The following TRMT1L variants were observed in gnomAD, a reference collection of about 807,000 sequenced individuals.
TRMT1L encodes the protein tRNA (guanine(27)-N(2))-dimethyltransferase.
A neutral mutation model predicts 81.6 loss-of-function variants in TRMT1L; 28 were observed. That is an observed-to-expected ratio of 0.34 (90% CI 0.25 to 0.47). TRMT1L has a LOEUF of 0.47. Ranked by LOEUF, TRMT1L falls within the 20% of genes least tolerant of loss-of-function variation. The pLI, the probability that TRMT1L is intolerant of heterozygous loss-of-function variation, is 1.00. For synonymous variants in TRMT1L, 301 were observed against 303.2 expected, an observed-to-expected ratio of 0.99 and a Z score of 0.07; for missense variants, 739 against 877.1, an observed-to-expected ratio of 0.84 and a Z score of 1.99.
intron 7 of TRMT1L, 92 bp from the exon 8 acceptor site, chr1:185,140,314 A>G (rs918164657): frequency 2.9e-6 from 3 of 1,044,450 alleles, no homozygotes; most frequent in Non-Finnish European, 4.0e-6. Context: ...ATAAATAACA[A>G]ATTATTTCAA....
chr1:185,121,732 C>T (rs1474048899), intron 13 of TRMT1L, among the ~76,000 whole-genome samples: 2 of 151,996 alleles, frequency 1.3e-5, no homozygotes, highest in Admixed American at 1.3e-4. Flanking sequence ...TGAGTATCAT[C>T]AGCAGTATAT....
At chr1:185,128,285 C>A (rs909554578) in intron 11 of TRMT1L, among the ~76,000 whole-genome samples, 2 of 152,142 alleles carry the variant, frequency 1.3e-5, no homozygotes, top group Non-Finnish European at 2.9e-5. Flanking sequence ...AAAACTAATT[C>A]TTCTAGGACC....
Position 185,145,459 on chromosome 1 carries a change from G to A in TRMT1L, c.635C>T (p.Thr212Ile), listed in dbSNP as rs1653163169. Reference sequence around the variant, plus strand: ...CTTACCTGCAATATAACTAGATTTAGTCTCTCCTTTATTCATGTGGCGCCT... The same window carrying A: ...CTTACCTGCAATATAACTAGATTTAATCTCTCCTTTATTCATGTGGCGCCT... ...HVRRHMNKGE[T>I]KSSYIAASTA... The change falls in exon 5 of 15, where the codon ACT becomes ATT. Residue 212 changes from threonine to isoleucine, a missense_variant. Thr to Ile is a moderately conservative substitution (Grantham distance 89). Transcript: ENST00000367506. 1.2e-6 allele frequency: 2 copies of A among 1,610,656 alleles called. No individual in the cohort carries two copies. The highest frequency in any genetic ancestry group is 1.7e-6 in the Non-Finnish European group (2 of 1,177,840).
intron 13 of TRMT1L, chr1:185,120,778 G>T: frequency 4.3e-6 from 1 of 232,324 alleles, no homozygotes; most frequent in Non-Finnish European, 8.2e-6. Context: ...TCAATCTGGG[G>T]CTAGTCACTT....
Position 185,118,431 on chromosome 1 carries a change from C to CTGA in TRMT1L, c.*1585_*1587dup, listed in dbSNP as rs1430318689. 2 of 151,996 alleles carry CTGA rather than the reference C, an allele frequency of 1.3e-5. No individual in the cohort carries two copies. The highest frequency in any genetic ancestry group is 1.9e-4 in the East Asian group (1 of 5,192). The allele number at this position is 151,996 out of a possible 1,614,324, so 9.4% of individuals were successfully genotyped here. A position where few individuals can be genotyped will look rare whatever the true frequency, so the allele number is the denominator to read the frequency against. On this transcript the variant is annotated 3_prime_UTR_variant, in exon 15 of 15. Transcript: ENST00000367506. The stretch of plus-strand genomic sequence containing the variant: ...TCATCACTGATCAACATATTTCATG[C>CTGA]TGATAAGCATTTAGCAAAATTTGAG...
rs779990492 is a variant in TRMT1L, at chr1:185,156,946, G to A, written c.-234C>T. The stretch of plus-strand genomic sequence containing the variant: ...TGCCCGTCCGCTTCCCTTTCCCCGA[G>A]GCGTTACGACGCCACCACAAACTGC... On this transcript the variant is annotated 5_prime_UTR_variant, in exon 1 of 15. Coordinates refer to ENST00000367506, the MANE Select transcript of TRMT1L (RefSeq NM_030934.5). 2.3e-4 allele frequency: 140 copies of A among 599,262 alleles called. No homozygotes were observed. Among genetic ancestry groups the A allele is most frequent in the Middle Eastern group, 4.6e-4 (1 of 2,166 alleles). 37.1% of individuals were successfully genotyped at this position (599,262 alleles called of 1,614,324 possible).
chr1:185,153,722 T>C (rs1306261777), intron 1 of TRMT1L, among the ~76,000 whole-genome samples: 6 of 152,098 alleles, frequency 3.9e-5, no homozygotes, highest in Admixed American at 1.3e-4. Flanking sequence ...AAAGGAACAA[T>C]TACAAAGTGG....
At position 185,137,787 on chromosome 1, in the gene TRMT1L, G is replaced by C. The variant is rs867072422; in HGVS notation, c.1332C>G (p.Ala444=). Reference sequence around the variant, plus strand: ...GTACTTCTATGCCTTTGTTGCATCGGGCTGCAGCTCTACAATAAATTTTTT... The same window carrying C: ...GTACTTCTATGCCTTTGTTGCATCGCGCTGCAGCTCTACAATAAATTTTTT... ...IVVAAVARAA[A]RCNKGIEVLF... Residue 444 remains alanine, a synonymous_variant, in exon 10 of 15, where the codon GCC becomes GCG. Coordinates refer to ENST00000367506, the MANE Select transcript of TRMT1L (RefSeq NM_030934.5). 6.2e-6 allele frequency: 10 copies of C among 1,611,526 alleles called. No homozygotes were observed. Among genetic ancestry groups the C allele is most frequent in the Non-Finnish European group, 8.5e-6 (10 of 1,179,354 alleles).
intron 1 of TRMT1L, among the ~76,000 whole-genome samples, chr1:185,152,620 G>A (rs10489581): frequency 0.1 from 15,175 of 152,136 alleles, 984 homozygotes; most frequent in East Asian, 0.25. Context: ...CCAAAGATCA[G>A]TAACAGAGAA....
chr1:185,123,777 ATCTCT>A lies in TRMT1L; in HGVS notation c.1822+75_1822+79del, dbSNP rs1471645558. 4 of 817,450 alleles carry A rather than the reference ATCTCT, an allele frequency of 4.9e-6. No individual in the cohort carries two copies. In the South Asian group the frequency reaches 5.8e-5, roughly 12 times the overall value. 50.6% of individuals were successfully genotyped at this position (817,450 alleles called of 1,614,324 possible). On this transcript the variant is annotated intron_variant, in intron 13 of 14. Coordinates refer to ENST00000367506, the MANE Select transcript of TRMT1L (RefSeq NM_030934.5). Reference sequence around the variant, plus strand: ...TATTTTTAAGTAGGCTACCATGGCAATCTCTTCTCTTCCTACCCTTTTGCTATATG... The same window carrying A: ...TATTTTTAAGTAGGCTACCATGGCAATCTCTTCCTACCCTTTTGCTATATG...
At chr1:185,128,957 T>C (rs575874037) in intron 10 of TRMT1L, among the ~76,000 whole-genome samples, 8 of 152,184 alleles carry the variant, frequency 5.3e-5, no homozygotes, top group East Asian at 3.9e-4. Context: ...CACACACACA[T>C]ATATATATTT....
At chr1:185,128,890 G>T (rs1571344522) in intron 10 of TRMT1L, 143 bp from the exon 11 acceptor site, 1 of 679,698 alleles carries the variant, frequency 1.5e-6, no homozygotes, top group Non-Finnish European at 2.5e-6. Flanking sequence ...TTTTATGTAT[G>T]TATATATGTG....
intron 6 of TRMT1L, 56 bp from the exon 7 acceptor site, chr1:185,143,492 T>G: frequency 1.3e-6 from 2 of 1,491,474 alleles, no homozygotes; most frequent in Non-Finnish European, 1.8e-6. Context: ...ATCATAGATT[T>G]TATTTCATTT....
rs771911995 is a variant in TRMT1L at position 185,150,430 on chromosome 1, G to A, written c.409C>T (p.Leu137Phe). The change falls in exon 3 of 15, where the codon CTT becomes TTT. Residue 137 changes from leucine (L) to phenylalanine (F), a missense_variant. By Grantham distance (22) the Leu-to-Phe change is conservative (BLOSUM62 0). Transcript: ENST00000367506. ...TGTAAATTCTGGAGGTGACGACGAA[G>A]CTTATGGCTATTACAAGCTCTGAAT... ...EKFRACNSHK[L>F]RRHLQNLHWK... 2 of 1,613,592 alleles carry A rather than the reference G, an allele frequency of 1.2e-6. No homozygotes were observed. The highest frequency in any genetic ancestry group is 3.3e-5 in the Admixed American group (2 of 59,888).
Position 185,156,477 on chromosome 1 carries a change from C to A in TRMT1L, c.235+1G>T. On this transcript the variant is annotated splice_donor_variant, in intron 1 of 14. Coordinates refer to ENST00000367506, the MANE Select transcript of TRMT1L (RefSeq NM_030934.5). LOFTEE classifies it high-confidence loss of function. ...GAAAGATCTGGGCCTTCTGCACTTA[C>A]TGCTTTTAGCCTCCTCAGGGGCAGA... 6.2e-7 allele frequency: 1 copy of A among 1,613,936 alleles called. No individual in the cohort carries two copies. The highest frequency in any genetic ancestry group is 8.5e-7 in the Non-Finnish European group (1 of 1,179,878).
chr1:185,133,975 C>T (rs1042047053), intron 10 of TRMT1L, among the ~76,000 whole-genome samples: 7 of 152,008 alleles, frequency 4.6e-5, no homozygotes, highest in Non-Finnish European at 1.0e-4. Flanking sequence ...TGTAGTCCAA[C>T]GTGGAAGGGG....
Position 185,120,363 on chromosome 1 carries a change from T to C in TRMT1L, c.1949+20A>G, listed in dbSNP as rs200354394. ...TAAAATATAAAATATATATACTTTG[T>C]CATTCACTGGGTGTCTTACTTTGGC... On this transcript the variant is annotated intron_variant, in intron 14 of 14. Transcript: ENST00000367506. The C allele has an allele frequency of 4.8e-5, 73 of 1,514,732 alleles. No individual in the cohort carries two copies. The East Asian group carries it at 1.3e-3, about 26-fold the overall frequency. The allele number at this position is 1,514,732 out of a possible 1,614,324, so 93.8% of individuals were successfully genotyped here.
chr1:185,153,300 C>T (rs950222208), intron 1 of TRMT1L, among the ~76,000 whole-genome samples: 8 of 151,864 alleles, frequency 5.3e-5, no homozygotes, highest in Non-Finnish European at 7.4e-5. Flanking sequence ...TTGCTGAACC[C>T]GCTACTGATT....
chr1:185,137,314 C>A, intron 10 of TRMT1L: 1 of 399,266 alleles, frequency 2.5e-6, no homozygotes, highest in Non-Finnish European at 4.5e-6. Flanking sequence ...CTGGAAAAAA[C>A]GTAATCTGAC....
Sources: gnomAD v4.1 joint callset for allele counts (sites outside exome capture counted in the v4.1 genomes callset) on GRCh38, gnomAD v4.1.1 for gene constraint, MANE v1.5 for transcripts, NCBI Gene and HGNC (gene_info 2026-07-23, HGNC 2026-07-21) for gene names.